Variants in ULK4 observed in about 807,000 individuals in gnomAD.
The protein encoded by ULK4 is unc-51 like kinase 4, also known as inactive serine/threonine-protein kinase ULK4.
In ULK4, 133 loss-of-function variants were observed where a neutral mutation model predicts 160.6. The ratio of observed to expected loss-of-function variants is 0.83; its 90% CI spans 0.72 to 0.96. The LOEUF is 0.96. Among genes scored for constraint, ULK4 ranks in the 40% least tolerant of loss-of-function variants. ULK4 has a pLI of 0.00. For missense variants in ULK4, 1,580 were observed against 1,499.5 expected, an observed-to-expected ratio of 1.05 and a Z score of -0.89; for synonymous variants, 534 against 539.8, an observed-to-expected ratio of 0.99 and a Z score of 0.15.
chr3:41,818,887 G>T (rs191006092), intron 19 of ULK4, among the ~76,000 whole-genome samples: 1 of 152,222 alleles, frequency 6.6e-6, no homozygotes, highest in Non-Finnish European at 1.5e-5. Context: ...TGAGCTGGTT[G>T]GTTGGCCAGC....
At chr3:41,918,956 T>G (rs992621355) in intron 6 of ULK4, among the ~76,000 whole-genome samples, 1 of 152,148 alleles carries the variant, frequency 6.6e-6, no homozygotes, top group Non-Finnish European at 1.5e-5. Context: ...TTATACAACT[T>G]ATAGAAAAAA....
chr3:41,797,928 G>GAGAAA (rs1364970791), intron 20 of ULK4, among the ~76,000 whole-genome samples: 1 of 151,020 alleles, frequency 6.6e-6, no homozygotes, highest in Non-Finnish European at 1.5e-5. Flanking sequence ...GAAAAGAAAA[G>GAGAAA]AGAAAAGAAA....
chr3:41,799,311 T>C (rs2040389924), intron 20 of ULK4, among the ~76,000 whole-genome samples: 1 of 152,216 alleles, frequency 6.6e-6, no homozygotes, highest in South Asian at 2.1e-4. Context: ...TGTTAACACA[T>C]CTTTATACAT....
At chr3:41,820,939 CA>C (rs1218761237) in intron 18 of ULK4, among the ~76,000 whole-genome samples, 1 of 152,176 alleles carries the variant, frequency 6.6e-6, no homozygotes, top group African/African-American at 2.4e-5. Flanking sequence ...TGCTCCAACT[CA>C]AAAATCACTA....
chr3:41,557,370 A>G (rs1359295652), intron 32 of ULK4, among the ~76,000 whole-genome samples: 1 of 151,872 alleles, frequency 6.6e-6, no homozygotes, highest in Admixed American at 6.6e-5. Context: ...TGACTGGGAA[A>G]CTAAGAAAAT....
intron 32 of ULK4, among the ~76,000 whole-genome samples, chr3:41,492,344 G>A (rs1358026539): frequency 9.9e-4 from 151 of 152,072 alleles, no homozygotes; most frequent in African/African-American, 3.0e-3. Context: ...TTACAGTCCC[G>A]CCAACAGTGT....
chr3:41,658,453 T>G (rs1370494588), intron 30 of ULK4, among the ~76,000 whole-genome samples: 2 of 152,208 alleles, frequency 1.3e-5, no homozygotes, highest in East Asian at 3.8e-4. Context: ...ATTCCACGTC[T>G]CATTTATGGT....
chr3:41,288,314 C>G (rs983408138), intron 35 of ULK4, among the ~76,000 whole-genome samples: 2 of 152,184 alleles, frequency 1.3e-5, no homozygotes, highest in Non-Finnish European at 2.9e-5. Context: ...ATGAGCCCCA[C>G]TAAGCACCAG....
At chr3:41,618,620 G>A (rs558121532) in intron 30 of ULK4, among the ~76,000 whole-genome samples, 1 of 152,182 alleles carries the variant, frequency 6.6e-6, no homozygotes, top group African/African-American at 2.4e-5. Flanking sequence ...AGCTCCTGAA[G>A]GAAGCACTAA....
At chr3:41,781,997 G>A (rs1575699998) in intron 21 of ULK4, among the ~76,000 whole-genome samples, 1 of 152,144 alleles carries the variant, frequency 6.6e-6, no homozygotes, top group Admixed American at 6.5e-5. Context: ...TGTTGATGAT[G>A]TGTTTATGTT....
At chr3:41,885,388 C>T (rs146839437) in intron 16 of ULK4, among the ~76,000 whole-genome samples, 1 of 151,868 alleles carries the variant, frequency 6.6e-6, no homozygotes, top group Non-Finnish European at 1.5e-5. Context: ...CACTTTTTAC[C>T]AAAATCCTAA....
intron 31 of ULK4, among the ~76,000 whole-genome samples, chr3:41,590,066 G>C (rs976388429): frequency 6.6e-6 from 1 of 151,616 alleles, no homozygotes; most frequent in East Asian, 2.0e-4. Context: ...ACAGTGGCGC[G>C]ATCTCGGCTC....
intron 35 of ULK4, among the ~76,000 whole-genome samples, chr3:41,341,297 G>A (rs1010111682): frequency 4.6e-5 from 7 of 152,184 alleles, no homozygotes; most frequent in African/African-American, 1.7e-4. Context: ...CCCTGTGATG[G>A]TATGATAGTT....
At chr3:41,357,785 G>A (rs1364801517) in intron 35 of ULK4, among the ~76,000 whole-genome samples, 1 of 152,198 alleles carries the variant, frequency 6.6e-6, no homozygotes, top group African/African-American at 2.4e-5. Flanking sequence ...TAGATTTGAT[G>A]TAAGCTCACT....
chr3:41,493,310 AC>A (rs1359797677), intron 32 of ULK4, among the ~76,000 whole-genome samples: 1 of 145,210 alleles, frequency 6.9e-6, no homozygotes, highest in Non-Finnish European at 1.5e-5. Flanking sequence ...AAACTGAACA[AC>A]CTGCTCCTGA....
chr3:41,448,725 G>C (rs1365753354), intron 34 of ULK4, among the ~76,000 whole-genome samples: 1 of 152,158 alleles, frequency 6.6e-6, no homozygotes, highest in African/African-American at 2.4e-5. Context: ...CGTGTGATGT[G>C]TGATGTGTTT....
chr3:41,376,512 C>T (rs2081499982), intron 35 of ULK4, among the ~76,000 whole-genome samples: 1 of 150,026 alleles, frequency 6.7e-6, no homozygotes, highest in Admixed American at 6.6e-5. Context: ...AGCTGATAAG[C>T]AATTTCAGCA....
intron 32 of ULK4, among the ~76,000 whole-genome samples, chr3:41,474,475 A>G (rs1292365708): frequency 6.6e-6 from 1 of 152,114 alleles, no homozygotes; most frequent in Non-Finnish European, 1.5e-5. Context: ...ATTTGACCTC[A>G]AAAGTGCAGG....
chr3:41,637,093 A>C (rs1347217060), intron 30 of ULK4, among the ~76,000 whole-genome samples: 1 of 152,124 alleles, frequency 6.6e-6, no homozygotes, highest in African/African-American at 2.4e-5. Context: ...ATCTACTCTC[A>C]CCAATTTTCA....
Sources: allele counts gnomAD v4.1 joint callset (sites outside exome capture counted in the v4.1 genomes callset), GRCh38; gene constraint gnomAD v4.1.1; transcripts MANE v1.5; gene names NCBI Gene and HGNC (gene_info 2026-07-23, HGNC 2026-07-21).